The following GPHN variants were observed in gnomAD, a reference collection of about 807,000 sequenced individuals.
The protein encoded by GPHN is gephyrin.
A neutral mutation model predicts 95.5 loss-of-function variants in GPHN; 17 were observed. The observed-to-expected ratio is 0.18, with a 90% CI of 0.12 to 0.27. GPHN has a LOEUF of 0.27. Ranked by LOEUF, GPHN falls within the 10% of genes least tolerant of loss-of-function variation. The pLI is 1.00. For missense variants in GPHN, 660 were observed against 978.1 expected (o/e 0.67, Z 4.34); for synonymous variants, 320 against 322.5 (o/e 0.99, Z 0.08).
chr14:66,586,005 T>C (rs2140524516), intron 1 of GPHN, among the ~76,000 whole-genome samples: 1 of 152,266 alleles, frequency 6.6e-6, no homozygotes, highest in East Asian at 1.9e-4. Flanking sequence ...AGTCTCCCAT[T>C]ATTATTGTGT....
the GPHN span, among the ~76,000 whole-genome samples, chr14:67,683,736 G>A: frequency 2.6e-4 from 39 of 152,288 alleles, no homozygotes; most frequent in African/African-American, 8.9e-4. Flanking sequence ...GCAATGCCCC[G>A]GCTGGCTGAC....
At chr14:66,781,352 G>A (rs372749373) in intron 3 of GPHN, among the ~76,000 whole-genome samples, 3 of 152,050 alleles carry the variant, frequency 2.0e-5, no homozygotes, top group East Asian at 1.9e-4. Context: ...GAGTAGCTGG[G>A]ACTACAGGCA....
intron 11 of GPHN, among the ~76,000 whole-genome samples, chr14:67,069,104 G>A (rs913831551): frequency 1.3e-5 from 2 of 152,150 alleles, no homozygotes; most frequent in Non-Finnish European, 2.9e-5. Context: ...AATGACCCTG[G>A]ACAAGCTACT....
At chr14:67,282,620 A>C in the GPHN span, among the ~76,000 whole-genome samples, 1 of 152,152 alleles carries the variant, frequency 6.6e-6, no homozygotes, top group Non-Finnish European at 1.5e-5. Context: ...AAGCAGTTAG[A>C]ATTTTTTTGA....
the GPHN span, chr14:67,573,522 T>C: frequency 4.7e-5 from 31 of 662,756 alleles, no homozygotes; most frequent in African/African-American, 7.2e-5. This position sits in a 1 kb window ranked among gnomAD's most constrained non-coding sequence, Gnocchi z 4.8. Context: ...AGAGGCAACC[T>C]CACTGGGCCC....
chr14:67,095,548 G>A (rs529810092), intron 12 of GPHN, among the ~76,000 whole-genome samples: 247 of 152,264 alleles, frequency 1.6e-3, no homozygotes, highest in Admixed American at 7.0e-3. Flanking sequence ...AACAATGATA[G>A]ACTGGATTAA....
the GPHN span, chr14:67,254,371 C>G: frequency 6.6e-6 from 1 of 151,866 alleles, no homozygotes; most frequent in Non-Finnish European, 1.5e-5. Flanking sequence ...TATAGATTGA[C>G]CTTTTATTCT....
chr14:67,631,737 C>T, the GPHN span, among the ~76,000 whole-genome samples: 1 of 152,010 alleles, frequency 6.6e-6, no homozygotes, highest in Non-Finnish European at 1.5e-5. Flanking sequence ...TGGCCTACAT[C>T]CTCTTTTTCT....
intron 17 of GPHN, among the ~76,000 whole-genome samples, chr14:67,135,225 G>T (rs557900642): frequency 1.3e-5 from 2 of 152,028 alleles, no homozygotes; most frequent in Non-Finnish European, 2.9e-5. Context: ...CTCCCAAAGT[G>T]CTGGGATTAT....
chr14:67,223,865 T>C, the GPHN span: 1 of 985,798 alleles, frequency 1.0e-6, no homozygotes. Flanking sequence ...TAACACCCTG[T>C]ACCCCAAGAA....
intron 2 of GPHN, among the ~76,000 whole-genome samples, chr14:66,719,434 G>A (rs1284255695): frequency 6.6e-6 from 1 of 152,160 alleles, no homozygotes; most frequent in Non-Finnish European, 1.5e-5. Context: ...GTGTTCGGGG[G>A]CTGAGAATCT....
the GPHN span, among the ~76,000 whole-genome samples, chr14:67,599,527 G>T: frequency 6.6e-6 from 1 of 152,144 alleles, no homozygotes; most frequent in African/African-American, 2.4e-5. Flanking sequence ...CAGAGATTAG[G>T]AAGAACTATA....
the GPHN span, among the ~76,000 whole-genome samples, chr14:67,549,428 G>A: frequency 6.6e-6 from 1 of 152,004 alleles, no homozygotes; most frequent in African/African-American, 2.4e-5. Flanking sequence ...ATGCCACCAC[G>A]CCCAGCTAAT....
At chr14:67,533,435 GGGCTGCGCCGCGGCGGAGGGCGTCA>G in the GPHN span, 1 of 152,010 alleles carries the variant, frequency 6.6e-6, no homozygotes, top group Non-Finnish European at 1.5e-5. Flanking sequence ...TGGTGGGCTG[GGGCTGCGCCGCGGCGGAGGGCGTCA>G]GGCTGCGCGC....
At chr14:66,906,083 G>T (rs1431836208) in intron 5 of GPHN, among the ~76,000 whole-genome samples, 1 of 150,724 alleles carries the variant, frequency 6.6e-6, no homozygotes, top group Non-Finnish European at 1.5e-5. Context: ...TGATCAGAAT[G>T]CTACCCTTCT....
At chr14:67,723,909 C>G in the GPHN span, among the ~76,000 whole-genome samples, 4 of 152,294 alleles carry the variant, frequency 2.6e-5, no homozygotes, top group Non-Finnish European at 4.4e-5. Context: ...AATGAAATCT[C>G]TAATACAATG....
At chr14:67,358,470 A>T in the GPHN span, among the ~76,000 whole-genome samples, 1 of 152,202 alleles carries the variant, frequency 6.6e-6, no homozygotes, top group South Asian at 2.1e-4. Context: ...AAACACCCCC[A>T]CAGAGATAGG....
the GPHN span, among the ~76,000 whole-genome samples, chr14:67,297,029 A>C: frequency 6.6e-6 from 1 of 152,256 alleles, no homozygotes; most frequent in Non-Finnish European, 1.5e-5. Context: ...ACAAATTCTT[A>C]GAAAGCCAGT....
At chr14:66,663,477 C>T (rs2065773314) in intron 1 of GPHN, among the ~76,000 whole-genome samples, 3 of 152,064 alleles carry the variant, frequency 2.0e-5, no homozygotes, top group African/African-American at 7.2e-5. Context: ...CCAAAAGAAG[C>T]ACTAAATATG....
Sources: allele counts gnomAD v4.1 joint callset (sites outside exome capture counted in the v4.1 genomes callset), GRCh38; gene constraint gnomAD v4.1.1; non-coding constraint Gnocchi (gnomAD v3.1); transcripts MANE v1.5; gene names NCBI Gene and HGNC (gene_info 2026-07-23, HGNC 2026-07-21).